The following SAMMSON variants were observed in gnomAD, a reference collection of about 807,000 sequenced individuals.
SAMMSON encodes the protein survival associated mitochondrial melanoma specific oncogenic non-coding RNA.
chr3:70,414,588 A>C (rs560759281), intron 2 of SAMMSON, among the ~76,000 whole-genome samples: 1 of 152,260 alleles, frequency 6.6e-6, no homozygotes, highest in Non-Finnish European at 1.5e-5. Flanking sequence ...TTATGAGAGA[A>C]TCAAAATCAG....
intron 4 of SAMMSON, among the ~76,000 whole-genome samples, chr3:70,196,425 T>C (rs576738110): frequency 6.6e-6 from 1 of 152,244 alleles, no homozygotes; most frequent in East Asian, 1.9e-4. Context: ...AGAGACTGTA[T>C]AAATAAATTT....
chr3:70,004,553 G>A (rs2066918709), intron 1 of SAMMSON, among the ~76,000 whole-genome samples: 1 of 152,068 alleles, frequency 6.6e-6, no homozygotes, highest in Non-Finnish European at 1.5e-5. Context: ...GCTTAAAAGA[G>A]GTACAGATCA....
intron 7 of SAMMSON, among the ~76,000 whole-genome samples, chr3:70,330,875 T>C (rs1404198155): frequency 1.3e-5 from 2 of 152,190 alleles, no homozygotes; most frequent in African/African-American, 4.8e-5. Context: ...TATGAATGAT[T>C]GAAGTGAATG....
At chr3:70,046,765 G>C (rs2067128323) in intron 3 of SAMMSON, among the ~76,000 whole-genome samples, 2 of 152,090 alleles carry the variant, frequency 1.3e-5, no homozygotes, top group Admixed American at 1.3e-4. Flanking sequence ...CCTTTCTGGA[G>C]GTCTAGGGGA....
At chr3:70,254,456 G>A (rs1331150807) in intron 6 of SAMMSON, among the ~76,000 whole-genome samples, 3 of 152,108 alleles carry the variant, frequency 2.0e-5, no homozygotes, top group Admixed American at 1.3e-4. Flanking sequence ...CACAAAGGGC[G>A]TAAAAGAAAA....
intron 6 of SAMMSON, among the ~76,000 whole-genome samples, chr3:70,249,938 G>A (rs998168717): frequency 6.6e-6 from 1 of 152,152 alleles, no homozygotes; most frequent in African/African-American, 2.4e-5. Context: ...TACTCCAAGT[G>A]GCCTCTGTTA....
At chr3:70,425,426 T>C (rs1186420722) in intron 2 of SAMMSON, among the ~76,000 whole-genome samples, 1 of 151,946 alleles carries the variant, frequency 6.6e-6, no homozygotes, top group Non-Finnish European at 1.5e-5. Flanking sequence ...TTTATTTATT[T>C]ATTGAGTCGG....
intron 4 of SAMMSON, among the ~76,000 whole-genome samples, chr3:70,169,352 G>A (rs1020410963): frequency 5.3e-5 from 8 of 151,982 alleles, no homozygotes; most frequent in African/African-American, 1.4e-4. Context: ...AGCATATGAC[G>A]TTTTATGCAA....
chr3:70,309,369 CA>C (rs1177275984), intron 7 of SAMMSON, among the ~76,000 whole-genome samples: 2 of 151,970 alleles, frequency 1.3e-5, no homozygotes, highest in Non-Finnish European at 2.9e-5. Flanking sequence ...TTGCTATTAC[CA>C]ATGGTTCAAA....
intron 6 of SAMMSON, among the ~76,000 whole-genome samples, chr3:70,255,760 G>C (rs1254942482): frequency 2.0e-5 from 3 of 152,110 alleles, no homozygotes; most frequent in Non-Finnish European, 4.4e-5. Flanking sequence ...CCCAGCCAGG[G>C]GGCTATTTTT....
At chr3:70,158,335 C>T (rs2067600371) in intron 4 of SAMMSON, among the ~76,000 whole-genome samples, 1 of 152,104 alleles carries the variant, frequency 6.6e-6, no homozygotes, top group Admixed American at 6.6e-5. Context: ...ACTTCTTTCA[C>T]TGAGCATAAT....
intron 4 of SAMMSON, among the ~76,000 whole-genome samples, chr3:70,147,116 C>A (rs1018894105): frequency 2.6e-5 from 4 of 151,860 alleles, no homozygotes; most frequent in Non-Finnish European, 5.9e-5. Context: ...ACAAAACATC[C>A]TTAAAAGCTA....
chr3:70,146,836 G>T (rs2067551035), intron 4 of SAMMSON, among the ~76,000 whole-genome samples: 1 of 151,856 alleles, frequency 6.6e-6, no homozygotes, highest in African/African-American at 2.4e-5. Flanking sequence ...GTACAACCAA[G>T]CTAGAAGAAG....
chr3:70,036,654 C>A (rs907560063), intron 3 of SAMMSON, among the ~76,000 whole-genome samples: 1 of 152,090 alleles, frequency 6.6e-6, no homozygotes, highest in East Asian at 1.9e-4. Flanking sequence ...TGTGGGAGAA[C>A]CTGTCTCATA....
intron 4 of SAMMSON, among the ~76,000 whole-genome samples, chr3:70,227,353 C>G (rs1701517368): frequency 6.6e-6 from 1 of 152,144 alleles, no homozygotes; most frequent in African/African-American, 2.4e-5. Flanking sequence ...TTTTTCCATA[C>G]CACTTCTTAC....
chr3:70,114,508 C>A (rs1162721775), intron 4 of SAMMSON, among the ~76,000 whole-genome samples: 4 of 152,310 alleles, frequency 2.6e-5, no homozygotes, highest in Non-Finnish European at 5.9e-5. Context: ...AGTAAGTTTT[C>A]TATTTACAGT....
intron 7 of SAMMSON, among the ~76,000 whole-genome samples, chr3:70,313,289 G>C (rs1188776897): frequency 6.6e-6 from 1 of 152,042 alleles, no homozygotes; most frequent in African/African-American, 2.4e-5. Context: ...GCAACATAGT[G>C]AGACTCCATT....
chr3:70,262,676 G>T (rs1200577826), intron 6 of SAMMSON, among the ~76,000 whole-genome samples: 1 of 152,104 alleles, frequency 6.6e-6, no homozygotes, highest in East Asian at 1.9e-4. Context: ...CACATAACAG[G>T]GTTGGCGCAT....
At chr3:70,100,659 C>T (rs535390087) in intron 4 of SAMMSON, among the ~76,000 whole-genome samples, 47 of 152,214 alleles carry the variant, frequency 3.1e-4, no homozygotes, top group South Asian at 2.1e-3. Flanking sequence ...CTAAAGTGAA[C>T]GTGAATCTGA....
Sources: gnomAD v4.1 joint callset for allele counts (sites outside exome capture counted in the v4.1 genomes callset) on GRCh38, gnomAD v4.1.1 for gene constraint, MANE v1.5 for transcripts, NCBI Gene and HGNC (gene_info 2026-07-23, HGNC 2026-07-21) for gene names.